ATXN1: variants seen among roughly 807,000 people sequenced by gnomAD.
ATXN1 encodes the protein ataxin 1.
A neutral mutation model predicts 56.4 loss-of-function variants in ATXN1; 8 were observed. The observed-to-expected ratio is 0.14, with a 90% CI of 0.08 to 0.26. ATXN1 has a LOEUF of 0.26. Ranked by LOEUF, ATXN1 falls within the 10% of genes least tolerant of loss-of-function variation. The pLI, the probability that ATXN1 is intolerant of heterozygous loss-of-function variation, is 1.00. For missense variants in ATXN1, 987 were observed against 1,106.5 expected, an observed-to-expected ratio of 0.89 and a Z score of 1.53; for synonymous variants, 514 against 494.6, an observed-to-expected ratio of 1.04 and a Z score of -0.52.
intron 4 of ATXN1, among the ~76,000 whole-genome samples, chr6:16,526,043 A>ATC (rs1273974953): frequency 3.0e-4 from 28 of 94,206 alleles, no homozygotes; most frequent in East Asian, 7.0e-4. Flanking sequence ...AAATAAATCT[A>ATC]TATATATATA....
chr6:16,661,985 GC>G (rs1758330202), intron 2 of ATXN1, among the ~76,000 whole-genome samples: 3 of 152,174 alleles, frequency 2.0e-5, no homozygotes. Context: ...GTTGTTTTAA[GC>G]CACTAAGATT....
At chr6:16,465,426 C>T (rs1169125715) in intron 6 of ATXN1, among the ~76,000 whole-genome samples, 4 of 152,208 alleles carry the variant, frequency 2.6e-5, no homozygotes, top group Non-Finnish European at 5.9e-5. Flanking sequence ...CACTGCACTC[C>T]AGCCTGGGTG....
intron 3 of ATXN1, among the ~76,000 whole-genome samples, chr6:16,603,664 T>C (rs887724721): frequency 6.6e-6 from 1 of 152,024 alleles, no homozygotes; most frequent in Admixed American, 6.6e-5. Flanking sequence ...GGCAGAAGTT[T>C]AGAGAGGCAG....
At chr6:16,374,086 C>T (rs1388944536) in intron 6 of ATXN1, among the ~76,000 whole-genome samples, 1 of 147,458 alleles carries the variant, frequency 6.8e-6, no homozygotes, top group Non-Finnish European at 1.5e-5. Context: ...CAATAAAATC[C>T]TTAGCATCTG....
chr6:16,431,403 T>C (rs1049673987), intron 6 of ATXN1, among the ~76,000 whole-genome samples: 4 of 152,142 alleles, frequency 2.6e-5, no homozygotes, highest in Non-Finnish European at 5.9e-5. Context: ...TGTTATAAGA[T>C]TGGTGTGGGC....
chr6:16,321,586 G>A (rs1397076540), intron 7 of ATXN1, among the ~76,000 whole-genome samples: 4 of 152,242 alleles, frequency 2.6e-5, no homozygotes, highest in Non-Finnish European at 5.9e-5. Flanking sequence ...CAATGCCACA[G>A]GGATAGTGAC....
chr6:16,538,212 G>A (rs1211459071), intron 4 of ATXN1, among the ~76,000 whole-genome samples: 5 of 152,190 alleles, frequency 3.3e-5, no homozygotes, highest in Non-Finnish European at 7.3e-5. Flanking sequence ...CACCGGGGCA[G>A]AGCCAATATC....
At chr6:16,331,299 C>A (rs528487232) in intron 6 of ATXN1, among the ~76,000 whole-genome samples, 1 of 152,350 alleles carries the variant, frequency 6.6e-6, no homozygotes, top group East Asian at 1.9e-4. Context: ...CTGCGCCCTG[C>A]CCACCTAGGG....
intron 3 of ATXN1, among the ~76,000 whole-genome samples, chr6:16,643,408 T>C (rs1267726812): frequency 6.6e-6 from 1 of 151,920 alleles, no homozygotes; most frequent in Non-Finnish European, 1.5e-5. Context: ...ACGGGTAGAC[T>C]GCTTGAGCCC....
At chr6:16,461,852 T>C (rs959274837) in intron 6 of ATXN1, among the ~76,000 whole-genome samples, 1 of 152,148 alleles carries the variant, frequency 6.6e-6, no homozygotes, top group African/African-American at 2.4e-5. Flanking sequence ...CAAGAGGCAC[T>C]TAAGGAAACG....
chr6:16,516,115 A>C (rs1761179132), intron 5 of ATXN1, among the ~76,000 whole-genome samples: 1 of 152,210 alleles, frequency 6.6e-6, no homozygotes, highest in Non-Finnish European at 1.5e-5. Flanking sequence ...CCGTGTCCTT[A>C]TGATTGTCCC....
At chr6:16,610,784 G>A (rs911887635) in intron 3 of ATXN1, among the ~76,000 whole-genome samples, 1 of 152,002 alleles carries the variant, frequency 6.6e-6, no homozygotes, top group Non-Finnish European at 1.5e-5. Flanking sequence ...AGAACTTTGG[G>A]AGGCCGAGGT....
chr6:16,474,576 CTTG>C (rs1160290454), intron 6 of ATXN1, among the ~76,000 whole-genome samples: 1 of 152,192 alleles, frequency 6.6e-6, no homozygotes, highest in Non-Finnish European at 1.5e-5. Context: ...GTTGGGATGG[CTTG>C]TTACACAGTA....
chr6:16,440,327 TAAG>T (rs1385511590), intron 6 of ATXN1, among the ~76,000 whole-genome samples: 2 of 144,088 alleles, frequency 1.4e-5, no homozygotes, highest in Non-Finnish European at 3.0e-5. Context: ...AATGAGGAAG[TAAG>T]AAGAGATAAA....
At chr6:16,700,538 T>C (rs1346782957) in intron 2 of ATXN1, among the ~76,000 whole-genome samples, 2 of 152,106 alleles carry the variant, frequency 1.3e-5, no homozygotes, top group Non-Finnish European at 1.5e-5. Context: ...AGTCCTGAGA[T>C]AGCTGCTGAA....
At chr6:16,542,206 C>A (rs371403809) in intron 4 of ATXN1, among the ~76,000 whole-genome samples, 16 of 152,260 alleles carry the variant, frequency 1.1e-4, no homozygotes, top group Admixed American at 3.9e-4. Context: ...GAGGGAGAAG[C>A]GCCCAGGCTT....
At chr6:16,415,910 A>C (rs972688985) in intron 6 of ATXN1, among the ~76,000 whole-genome samples, 1 of 152,174 alleles carries the variant, frequency 6.6e-6, no homozygotes, top group African/African-American at 2.4e-5. Context: ...GAGCAAAAAT[A>C]ATCTCAAAAC....
At chr6:16,727,674 T>C (rs1167945439) in intron 2 of ATXN1, among the ~76,000 whole-genome samples, 5 of 152,166 alleles carry the variant, frequency 3.3e-5, no homozygotes, top group African/African-American at 9.7e-5. Context: ...TACTGACTCT[T>C]AGCTGTTATT....
At chr6:16,653,217 C>A (rs1758109079) in intron 3 of ATXN1, among the ~76,000 whole-genome samples, 1 of 152,158 alleles carries the variant, frequency 6.6e-6, no homozygotes, top group Admixed American at 6.5e-5. Context: ...CAACGCCCTG[C>A]AAATCTCTCC....
Sources: allele counts gnomAD v4.1 joint callset (sites outside exome capture counted in the v4.1 genomes callset), GRCh38; gene constraint gnomAD v4.1.1; transcripts MANE v1.5; gene names NCBI Gene and HGNC (gene_info 2026-07-23, HGNC 2026-07-21).